The following ZNF100 variants were observed in gnomAD, a reference collection of about 807,000 sequenced individuals.
ZNF100 encodes zinc finger protein 100.
A neutral mutation model predicts 15.8 loss-of-function variants in ZNF100; 12 were observed. The ratio of observed to expected loss-of-function variants is 0.76; its 90% CI spans 0.49 to 1.23. The LOEUF (loss-of-function observed/expected upper bound fraction) is 1.23, where lower values mean the gene tolerates loss of function less well. Ranked by LOEUF, ZNF100 falls within the 50% of genes most tolerant of loss-of-function variation. The pLI, the probability that ZNF100 is intolerant of heterozygous loss-of-function variation, is 0.00. For synonymous variants in ZNF100, 226 were observed against 214.8 expected (o/e 1.05, Z -0.45); for missense variants, 670 against 635.6 (o/e 1.05, Z -0.58).
In ZNF100 at chr19:21,727,966, C is replaced by T; in HGVS notation, c.346G>A (p.Asp116Asn). ...TTAATGTCCTGCTCTGCCCAAAGGT[C>T]TTGGGGAAAATGAGAACATATAACT... is the stretch of plus-strand genomic sequence containing the variant. ...PPVICSHFPQ[D>N]LWAEQDIKDS... The change falls in exon 5 of 5, where the codon GAC becomes AAC. Residue 116 changes from aspartate to asparagine, a missense_variant. Physicochemically the swap from Asp to Asn is conservative, Grantham distance 23. Transcript: ENST00000358296. 6.5e-7 allele frequency: 1 copy of T among 1,529,540 alleles called. No individual in the cohort carries two copies. Among genetic ancestry groups the T allele is most frequent in the South Asian group, 1.3e-5 (1 of 74,450 alleles). The allele number at this position is 1,529,540 out of a possible 1,614,324, so 94.7% of individuals were successfully genotyped here. A position where few individuals can be genotyped will look rare whatever the true frequency, so the allele number is the denominator to read the frequency against.
chr19:21,729,400 C>CA lies in ZNF100; in HGVS notation c.323-1412dup, dbSNP rs1249388893. Among the ~76,000 whole-genome samples the CA allele has an allele frequency of 4.3e-5, 6 of 138,484 alleles. No individual in the cohort carries two copies. The East Asian group carries it at 1.1e-3, about 26-fold the overall frequency. The allele number at this position is 138,484 out of a possible 152,430, so 90.9% of individuals were successfully genotyped here. ...AAATAACATGATTCAACAAAAACAA[C>CA]ACAGTCAAATAAAAATACATTACTT... On this transcript the variant is annotated intron_variant, in intron 4 of 4. Coordinates refer to ENST00000358296, the MANE Select transcript of ZNF100 (RefSeq NM_173531.4).
chr19:21,762,822 G>T (rs2036503153), intron 2 of ZNF100, among the ~76,000 whole-genome samples: 1 of 152,202 alleles, frequency 6.6e-6, no homozygotes, highest in Non-Finnish European at 1.5e-5. Context: ...TTCCCAGATA[G>T]TTAACCATTC....
chr19:21,758,007 C>T (rs1027677481), intron 2 of ZNF100, among the ~76,000 whole-genome samples: 12 of 151,766 alleles, frequency 7.9e-5, no homozygotes, highest in Admixed American at 1.3e-4. Flanking sequence ...GCACTTCAGC[C>T]TGTGTGACAG....
In ZNF100 at chr19:21,726,503, C is replaced by T. The variant is rs2035787952; in HGVS notation, c.*180G>A. On this transcript the variant is annotated 3_prime_UTR_variant, in exon 5 of 5. Coordinates refer to ENST00000358296, the MANE Select transcript of ZNF100 (RefSeq NM_173531.4). ...AAAAGTTTGAGGTGTTTTCAAAGCACTGTCACATCTTTCTGGTTTGTAGAA... is the reference window on the plus strand; with the variant it reads ...AAAAGTTTGAGGTGTTTTCAAAGCATTGTCACATCTTTCTGGTTTGTAGAA... 1 of 588,282 alleles carries T rather than the reference C, an allele frequency of 1.7e-6. No individual in the cohort carries two copies. Among genetic ancestry groups the T allele is most frequent in the Non-Finnish European group, 2.9e-6 (1 of 350,862 alleles). 36.4% of individuals were successfully genotyped at this position (588,282 alleles called of 1,614,324 possible).
rs1432703310 is a variant in ZNF100 at position 21,726,985 on chromosome 19, T to A, written c.1327A>T (p.Asn443Tyr). The A allele has an allele frequency of 6.2e-7, 1 of 1,612,170 alleles. No individual in the cohort carries two copies. Among genetic ancestry groups the A allele is most frequent in the Non-Finnish European group, 8.5e-7 (1 of 1,179,318 alleles). The change falls in exon 5 of 5, where the codon AAC (asparagine) becomes TAC (tyrosine). Residue 443 changes from asparagine to tyrosine, a missense_variant. Physicochemically the swap from Asn to Tyr is moderately radical, Grantham distance 143. Transcript: ENST00000358296. Reference protein sequence around the residue: ...ECGKAFNESSNLTTHKMIHTG... With the variant: ...ECGKAFNESSYLTTHKMIHTG... ...TGAATCATCTTATGGGTAGTAAGGTTTGAGGACTCATTAAAAGCTTTGCCA... is the reference window on the plus strand; with the variant it reads ...TGAATCATCTTATGGGTAGTAAGGTATGAGGACTCATTAAAAGCTTTGCCA...
rs755018758 is a variant in ZNF100 at position 21,731,160 on chromosome 19, G to A, written c.323-3171C>T. On this transcript the variant is annotated intron_variant, in intron 4 of 4. Transcript: ENST00000358296. ...AAAACAAGTTGGTATGAGTATAATG[G>A]TTAAAAAGTAGACTAATAAAATAGA... is the stretch of plus-strand genomic sequence containing the variant. 2.6e-5 allele frequency among the ~76,000 whole-genome samples: 4 copies of A among 152,052 alleles called. No individual in the cohort carries two copies. In the South Asian group the frequency reaches 8.3e-4, roughly 32 times the overall value.
chr19:21,732,048 C>T (rs1296101837), intron 4 of ZNF100, among the ~76,000 whole-genome samples: 1 of 152,042 alleles, frequency 6.6e-6, no homozygotes, highest in Non-Finnish European at 1.5e-5. Flanking sequence ...GTCAGGAGTT[C>T]GAGACCAGCC....
chr19:21,767,495 C>G lies in ZNF100; in HGVS notation c.-66G>C. ...CTCCCAATATCTGCAGGTCAGAGGG[C>G]CACACAGGCTAGGCCCCTAGGAGCA... On this transcript the variant is annotated 5_prime_UTR_variant, in exon 1 of 5. Coordinates refer to ENST00000358296, the MANE Select transcript of ZNF100 (RefSeq NM_173531.4). 6.2e-7 allele frequency: 1 copy of G among 1,610,648 alleles called. No homozygotes were observed. Among genetic ancestry groups the G allele is most frequent in the Non-Finnish European group, 8.5e-7 (1 of 1,177,520 alleles).
intron 4 of ZNF100, among the ~76,000 whole-genome samples, chr19:21,739,538 G>A (rs183924651): frequency 4.5e-4 from 69 of 152,260 alleles, no homozygotes; most frequent in Middle Eastern, 6.8e-3. Flanking sequence ...CCTGGGTGAC[G>A]GAGTATGATC....
At chr19:21,736,053 G>A (rs1287582124) in intron 4 of ZNF100, among the ~76,000 whole-genome samples, 1 of 152,094 alleles carries the variant, frequency 6.6e-6, no homozygotes, top group African/African-American at 2.4e-5. Flanking sequence ...CTCCAAAAGT[G>A]CTGGCATTAC....
chr19:21,731,302 CT>C (rs1052854047), intron 4 of ZNF100, among the ~76,000 whole-genome samples: 12 of 139,636 alleles, frequency 8.6e-5, no homozygotes, highest in Admixed American at 1.4e-4. Context: ...TTTTTCTTTC[CT>C]TTTTTTTTTA....
At chr19:21,752,651 T>A (rs1487787992) in intron 2 of ZNF100, 1 of 152,578 alleles carries the variant, frequency 6.6e-6, no homozygotes, top group Non-Finnish European at 1.5e-5. Context: ...TCTGATAATT[T>A]TTATCTTATT....
At chr19:21,744,662 G>T (rs2036179190) in intron 3 of ZNF100, among the ~76,000 whole-genome samples, 1 of 152,068 alleles carries the variant, frequency 6.6e-6, no homozygotes, top group South Asian at 2.1e-4. Flanking sequence ...GAGCCACCAT[G>T]CCCGGCCTAA....
intron 4 of ZNF100, 21 bp from the exon 5 acceptor site, chr19:21,728,010 A>G (rs1407808839): frequency 6.8e-7 from 1 of 1,474,312 alleles, no homozygotes; most frequent in African/African-American, 1.4e-5. Context: ...TAAAAATAAC[A>G]AATTACTTTA....
chr19:21,731,909 T>A (rs1474734882), intron 4 of ZNF100, among the ~76,000 whole-genome samples: 4 of 152,324 alleles, frequency 2.6e-5, no homozygotes, highest in African/African-American at 9.6e-5. Flanking sequence ...AGGGGTATGC[T>A]GCATAACATT....
chr19:21,731,198 T>C (rs1206681442), intron 4 of ZNF100, among the ~76,000 whole-genome samples: 9 of 152,198 alleles, frequency 5.9e-5, no homozygotes, highest in Non-Finnish European at 1.0e-4. Context: ...GCCACATCTA[T>C]AGAAACTTTC....
chr19:21,744,198 T>C (rs888562339), intron 3 of ZNF100, 83 bp from the exon 4 acceptor site: 5 of 1,171,450 alleles, frequency 4.3e-6, no homozygotes, highest in Admixed American at 5.9e-5. Context: ...GAGGAGGTGA[T>C]AGAATATTCT....
rs764296523 is a variant in ZNF100 at position 21,744,135 on chromosome 19, C to T, written c.224-20G>A. ...TACCTGCTTTATTAGAAATAAATAA[C>T]ATGAATCTTTCTCATATTCTCCAAT... On this transcript the variant is annotated intron_variant, in intron 3 of 4. Coordinates refer to ENST00000358296, the MANE Select transcript of ZNF100 (RefSeq NM_173531.4). 7.6e-6 allele frequency: 12 copies of T among 1,572,886 alleles called. No individual in the cohort carries two copies. In the South Asian group the frequency reaches 1.4e-4, roughly 18 times the overall value.
rs149492794 is a variant in ZNF100, at chr19:21,735,168, C to A, written c.323-7179G>T. ...AGGTCTGCAAAATAACCAGCTAGCA[C>A]CATGAGAACAGGATCAAATTCACAC... On this transcript the variant is annotated intron_variant, in intron 4 of 4. Transcript: ENST00000358296. Among the ~76,000 whole-genome samples the A allele has an allele frequency of 4.1e-3, 630 of 152,168 alleles. 4 individuals carry two copies. Among genetic ancestry groups the A allele is most frequent in the African/African-American group, 0.015 (602 of 41,508 alleles).
Sources: gnomAD v4.1 joint callset for allele counts (sites outside exome capture counted in the v4.1 genomes callset) on GRCh38, gnomAD v4.1.1 for gene constraint, MANE v1.5 for transcripts, NCBI Gene and HGNC (gene_info 2026-07-23, HGNC 2026-07-21) for gene names.